The following KLF12 variants were observed in gnomAD, a reference collection of about 807,000 sequenced individuals.
The protein encoded by KLF12 is KLF transcription factor 12, also known as Krueppel-like factor 12.
KLF12 carries 9 observed loss-of-function variants against 37.8 expected under a neutral mutation model. The ratio of observed to expected loss-of-function variants is 0.24; its 90% CI spans 0.14 to 0.42. The LOEUF (loss-of-function observed/expected upper bound fraction) is 0.42. Among genes scored for constraint, KLF12 ranks in the 10% least tolerant of loss-of-function variants. KLF12 has a pLI of 1.00. For synonymous variants in KLF12, 208 were observed against 202.1 expected, an observed-to-expected ratio of 1.03 and a Z score of -0.25; for missense variants, 411 against 516.0, an observed-to-expected ratio of 0.80 and a Z score of 1.97.
intron 1 of KLF12, among the ~76,000 whole-genome samples, chr13:73,999,708 C>G (rs567471213): frequency 1.3e-5 from 2 of 152,146 alleles, no homozygotes; most frequent in Non-Finnish European, 2.9e-5. Context: ...CCGCTACACT[C>G]CAGCCTGGGC....
At chr13:74,265,799 T>C in the KLF12 span, among the ~76,000 whole-genome samples, 3 of 152,204 alleles carry the variant, frequency 2.0e-5, no homozygotes, top group African/African-American at 7.2e-5. Context: ...TAAGAGTTAT[T>C]ATGAAAGGAA....
chr13:73,866,067 C>T (rs1045599015), intron 3 of KLF12, among the ~76,000 whole-genome samples: 2 of 152,082 alleles, frequency 1.3e-5, no homozygotes, highest in Admixed American at 1.3e-4. Context: ...ACCAGCCTGG[C>T]CAACAGGGCG....
intron 3 of KLF12, among the ~76,000 whole-genome samples, chr13:73,850,111 G>C (rs942930763): frequency 1.3e-5 from 2 of 151,998 alleles, no homozygotes; most frequent in African/African-American, 4.8e-5. Context: ...AAAGTAAATG[G>C]AACAATATAC....
rs867081948 is a variant in KLF12 at position 73,934,710 on chromosome 13, T to C, written c.123+9271A>G. On this transcript the variant is annotated intron_variant, in intron 3 of 7. Transcript: ENST00000377669. ...TTCTGTGTTTTAGTGCCATTTATTC[T>C]GCTTGGGGCTCATTAAACTTCCTGG... is the stretch of plus-strand genomic sequence containing the variant. 6.9e-4 allele frequency among the ~76,000 whole-genome samples: 105 copies of C among 152,134 alleles called. 1 individual carries two copies. The highest frequency in any genetic ancestry group is 2.5e-3 in the African/African-American group (102 of 41,452).
intron 3 of KLF12, among the ~76,000 whole-genome samples, chr13:73,860,991 T>C (rs761976919): frequency 6.6e-5 from 10 of 152,210 alleles, no homozygotes; most frequent in Non-Finnish European, 1.3e-4. Flanking sequence ...GTATGAGTCA[T>C]ATTTTGTATT....
the KLF12 span, among the ~76,000 whole-genome samples, chr13:74,199,095 A>T: frequency 1.3e-5 from 2 of 152,236 alleles, no homozygotes; most frequent in Non-Finnish European, 2.9e-5. Flanking sequence ...CTCACAGGAC[A>T]GCCAGAGACT....
chr13:73,748,764 C>A (rs1009861045), intron 6 of KLF12, among the ~76,000 whole-genome samples: 1 of 151,988 alleles, frequency 6.6e-6, no homozygotes, highest in African/African-American at 2.4e-5. Flanking sequence ...TGTATATTAC[C>A]ACAGAGGAAA....
At chr13:73,697,440 C>T (rs1231696066) in intron 7 of KLF12, among the ~76,000 whole-genome samples, 1 of 152,052 alleles carries the variant, frequency 6.6e-6, no homozygotes, top group East Asian at 1.9e-4. Flanking sequence ...TGTGGTTGTC[C>T]CATGGAGACA....
chr13:73,860,135 T>TGAGA (rs1885841893), intron 3 of KLF12, among the ~76,000 whole-genome samples: 1 of 152,168 alleles, frequency 6.6e-6, no homozygotes, highest in Non-Finnish European at 1.5e-5. Context: ...TTGTCTCTCT[T>TGAGA]CAGTTTCTGA....
At chr13:73,710,117 A>G (rs1340738137) in intron 7 of KLF12, among the ~76,000 whole-genome samples, 2 of 152,078 alleles carry the variant, frequency 1.3e-5, no homozygotes, top group African/African-American at 4.8e-5. Flanking sequence ...GTGCCTCAAC[A>G]CTTTCAGTGA....
intron 1 of KLF12, among the ~76,000 whole-genome samples, chr13:74,120,988 C>A (rs2138978645): frequency 6.6e-6 from 1 of 152,116 alleles, no homozygotes; most frequent in Non-Finnish European, 1.5e-5. Flanking sequence ...AAATAGAAAA[C>A]AAATAGCAAG....
chr13:74,053,493 G>A (rs1161028807), intron 1 of KLF12, among the ~76,000 whole-genome samples: 1 of 152,168 alleles, frequency 6.6e-6, no homozygotes, highest in African/African-American at 2.4e-5. Flanking sequence ...GGTTCACATC[G>A]CTGTTTCATA....
At chr13:74,097,077 C>T (rs1473154914) in intron 1 of KLF12, among the ~76,000 whole-genome samples, 5 of 152,092 alleles carry the variant, frequency 3.3e-5, no homozygotes, top group Non-Finnish European at 7.4e-5. Flanking sequence ...ACCTAGCTCA[C>T]GTTGCAGTAT....
At chr13:73,829,242 G>A (rs1884018365) in intron 4 of KLF12, among the ~76,000 whole-genome samples, 1 of 152,144 alleles carries the variant, frequency 6.6e-6, no homozygotes, top group Non-Finnish European at 1.5e-5. Flanking sequence ...CCCGGGTAAA[G>A]CAAAAGGCTG....
chr13:74,252,066 A>AGGCACCACTTCCCCCAAGGACC, the KLF12 span, among the ~76,000 whole-genome samples: 1 of 152,178 alleles, frequency 6.6e-6, no homozygotes, highest in African/African-American at 2.4e-5. Flanking sequence ...TCACAAGGGC[A>AGGCACCACTTCCCCCAAGGACC]GGCACCACTT....
At chr13:74,272,107 T>A in the KLF12 span, among the ~76,000 whole-genome samples, 1 of 152,222 alleles carries the variant, frequency 6.6e-6, no homozygotes, top group Non-Finnish European at 1.5e-5. Flanking sequence ...AAATCAGGGT[T>A]GTAAAGAAAA....
chr13:73,856,912 A>G (rs1270130018), intron 3 of KLF12, among the ~76,000 whole-genome samples: 2 of 152,170 alleles, frequency 1.3e-5, no homozygotes, highest in Non-Finnish European at 2.9e-5. Flanking sequence ...ACTTGAACCC[A>G]GGAGGAGGAG....
At chr13:73,832,871 C>G (rs974585665) in intron 4 of KLF12, among the ~76,000 whole-genome samples, 5 of 152,314 alleles carry the variant, frequency 3.3e-5, no homozygotes, top group African/African-American at 1.2e-4. Flanking sequence ...ATCAAAACAG[C>G]TTGCTATCTG....
At chr13:74,052,484 A>C (rs1450335625) in intron 1 of KLF12, among the ~76,000 whole-genome samples, 1 of 152,128 alleles carries the variant, frequency 6.6e-6, no homozygotes, top group Non-Finnish European at 1.5e-5. Flanking sequence ...TACAGAAAGG[A>C]AATAACAATG....
Sources: allele counts gnomAD v4.1 joint callset (sites outside exome capture counted in the v4.1 genomes callset), GRCh38; gene constraint gnomAD v4.1.1; transcripts MANE v1.5; gene names NCBI Gene and HGNC (gene_info 2026-07-23, HGNC 2026-07-21).